Variants in XPO1 observed in about 807,000 individuals in gnomAD.
XPO1 encodes exportin 1, also known as exportin-1.
XPO1 carries 5 observed loss-of-function variants against 133.3 expected under a neutral mutation model. The ratio of observed to expected loss-of-function variants is 0.04; its 90% CI spans 0.02 to 0.08. XPO1 has a LOEUF of 0.08. Among genes scored for constraint, XPO1 ranks in the 10% least tolerant of loss-of-function variants. XPO1 has a pLI of 1.00. For synonymous variants in XPO1, 419 were observed against 408.2 expected, an observed-to-expected ratio of 1.03 and a Z score of -0.32; for missense variants, 506 against 1,267.5, an observed-to-expected ratio of 0.40 and a Z score of 9.12.
At position 61,478,546 on chromosome 2, in the gene XPO1, C is replaced by G. The variant is rs1047868392; in HGVS notation, c.*274G>C. 2 of 374,128 alleles carry G rather than the reference C, an allele frequency of 5.3e-6. No individual in the cohort carries two copies. The highest frequency in any genetic ancestry group is 6.4e-5 in the South Asian group (1 of 15,614). 23.2% of individuals were successfully genotyped at this position (374,128 alleles called of 1,614,324 possible). A position where few individuals can be genotyped will look rare whatever the true frequency, so the allele number is the denominator to read the frequency against. ...TTCAAATCGAATTTGCCTCCTCCCC[C>G]CAGCCCAGCCACAAAAATGGGCATG... On this transcript the variant is annotated 3_prime_UTR_variant, in exon 25 of 25. Transcript: ENST00000401558.
intron 4 of XPO1, among the ~76,000 whole-genome samples, chr2:61,514,419 C>T (rs1698253996): frequency 6.6e-6 from 1 of 151,072 alleles, no homozygotes; most frequent in African/African-American, 2.4e-5. Flanking sequence ...GGTGAAAGCT[C>T]GTCTCTACTA....
In XPO1 at chr2:61,488,200, A is replaced by T; in HGVS notation, c.2278T>A (p.Ser760Thr). 1 of 1,614,022 alleles carries T rather than the reference A, an allele frequency of 6.2e-7. No homozygotes were observed. Among genetic ancestry groups the T allele is most frequent in the Non-Finnish European group, 8.5e-7 (1 of 1,179,972 alleles). The change falls in exon 19 of 25, where the codon TCT becomes ACT. Residue 760 changes from serine to threonine, a missense_variant. Around this residue, in one of 6 missense-constraint regions of XPO1, gnomAD observed 60 missense variants for 211.0 expected, o/e 0.28. Coordinates refer to ENST00000401558, the MANE Select transcript of XPO1 (RefSeq NM_003400.4). ...TCATTGGATCGGCTCACCCAACCAG[A>T]TATTAACTTTAAAGTTTCCCTTTTT... The part of the protein sequence containing the change: ...TVKRETLKLI[S>T]GWVSRSNDPQ...
At chr2:61,511,682 A>C (rs1442876002) in intron 4 of XPO1, among the ~76,000 whole-genome samples, 3 of 152,194 alleles carry the variant, frequency 2.0e-5, no homozygotes, top group Non-Finnish European at 4.4e-5. Context: ...TGCAGGCCTC[A>C]ATCACTGTGC....
chr2:61,535,356 C>G (rs1463950646), intron 1 of XPO1, among the ~76,000 whole-genome samples: 1 of 152,170 alleles, frequency 6.6e-6, no homozygotes, highest in African/African-American at 2.4e-5. Flanking sequence ...TCCTGAAAGC[C>G]ATCCATGGCA....
At chr2:61,481,853 A>G (rs1696376286) in intron 23 of XPO1, among the ~76,000 whole-genome samples, 1 of 151,586 alleles carries the variant, frequency 6.6e-6, no homozygotes, top group Admixed American at 6.6e-5. Flanking sequence ...TCTCCCCCTC[A>G]GCCTCCCAAG....
chr2:61,523,921 G>C (rs1573213100), intron 3 of XPO1, among the ~76,000 whole-genome samples: 2 of 152,002 alleles, frequency 1.3e-5, no homozygotes, highest in South Asian at 4.1e-4. Context: ...ATAAAAACAA[G>C]GCCAAAGCAA....
intron 2 of XPO1, among the ~76,000 whole-genome samples, chr2:61,530,662 C>A (rs189363966): frequency 1.3e-5 from 2 of 151,690 alleles, no homozygotes; most frequent in South Asian, 4.1e-4. Context: ...TGCAGAAGTT[C>A]TGTCTACAGA....
chr2:61,534,415 G>T (rs975296102), intron 1 of XPO1: 1 of 152,248 alleles, frequency 6.6e-6, no homozygotes, highest in African/African-American at 2.4e-5. Flanking sequence ...GAGCGTGGTG[G>T]CTCACACCTG....
intron 2 of XPO1, 93 bp from the exon 3 acceptor site, chr2:61,526,614 A>G: frequency 1.1e-6 from 1 of 877,032 alleles, no homozygotes; most frequent in Middle Eastern, 3.4e-4. Context: ...CACAAATTCT[A>G]ATTGGACAGA....
intron 5 of XPO1, 64 bp downstream of exon 5, chr2:61,502,185 G>A (rs1573155358): frequency 1.9e-6 from 3 of 1,570,618 alleles, no homozygotes; most frequent in Non-Finnish European, 2.6e-6. Context: ...GAATTAGGTT[G>A]TAGTCAGACT....
intron 3 of XPO1, chr2:61,525,421 A>G: frequency 1.0e-6 from 1 of 998,748 alleles, no homozygotes; most frequent in Non-Finnish European, 1.2e-6. Context: ...ATTGCATAAA[A>G]GCCAAATGTC....
In XPO1 at chr2:61,478,342, C is replaced by CCAAG. The variant is rs1261925654; in HGVS notation, c.*474_*477dup. ...ATGTAGTCTAGACAAACGATTCAGT[C>CCAAG]CAAGAGGTGCTAACTTCAGACAATG... On this transcript the variant is annotated 3_prime_UTR_variant, in exon 25 of 25. Coordinates refer to ENST00000401558, the MANE Select transcript of XPO1 (RefSeq NM_003400.4). The CCAAG allele has an allele frequency of 4.2e-5, 10 of 237,088 alleles. No homozygotes were observed. The highest frequency in any genetic ancestry group is 2.2e-4 in the African/African-American group (10 of 45,332). The allele number at this position is 237,088 out of a possible 1,614,324, so 14.7% of individuals were successfully genotyped here.
chr2:61,504,764 G>A (rs959972472), intron 4 of XPO1, among the ~76,000 whole-genome samples: 2 of 152,130 alleles, frequency 1.3e-5, no homozygotes, highest in Non-Finnish European at 2.9e-5. Context: ...TCAAACTATG[G>A]TTCTTCAATG....
intron 4 of XPO1, among the ~76,000 whole-genome samples, chr2:61,519,024 C>G (rs1698552632): frequency 6.6e-6 from 1 of 152,080 alleles, no homozygotes; most frequent in Non-Finnish European, 1.5e-5. Context: ...GATCTCAGCT[C>G]ACTGCAACCT....
chr2:61,537,496 G>C (rs1400530137), intron 1 of XPO1, 66 bp downstream of exon 1: 1 of 147,208 alleles, frequency 6.8e-6, no homozygotes, highest in Non-Finnish European at 1.5e-5. Context: ...CCCCACGCCG[G>C]CCTCCTCCCG....
rs1366614915 is a variant in XPO1, at chr2:61,522,593, AATTCTTT to A, written c.301+11_301+17del. ...AGGAAAAACAAAACTCTGAATTTAT[AATTCTTT>A]ATTTTCCTACCTTCGCACTGGTTCC... On this transcript the variant is annotated intron_variant, in intron 4 of 24. Coordinates refer to ENST00000401558, the MANE Select transcript of XPO1 (RefSeq NM_003400.4). 1 of 1,604,864 alleles carries A rather than the reference AATTCTTT, an allele frequency of 6.2e-7. No homozygotes were observed. The highest frequency in any genetic ancestry group is 1.7e-5 in the Admixed American group (1 of 59,428).
At chr2:61,530,831 C>A (rs1281305922) in intron 2 of XPO1, among the ~76,000 whole-genome samples, 2 of 149,384 alleles carry the variant, frequency 1.3e-5, no homozygotes, top group African/African-American at 4.9e-5. Flanking sequence ...TTATGAGTAG[C>A]AAAAAAAAAA....
intron 23 of XPO1, 29 bp downstream of exon 23, chr2:61,482,351 A>G (rs1322239639): frequency 2.5e-6 from 4 of 1,569,884 alleles, no homozygotes; most frequent in East Asian, 2.3e-5. Context: ...GACCAGGAAC[A>G]TTCTACGTTT....
intron 2 of XPO1, among the ~76,000 whole-genome samples, chr2:61,532,253 G>C (rs982931512): frequency 1.3e-5 from 2 of 151,808 alleles, no homozygotes; most frequent in South Asian, 2.1e-4. Context: ...TCAGCCTCCC[G>C]AGTAGCTGGG....
Sources: gnomAD v4.1 joint callset for allele counts (sites outside exome capture counted in the v4.1 genomes callset) on GRCh38, gnomAD v4.1.1 for gene constraint, gnomAD v4.1.1 regional missense constraint, MANE v1.5 for transcripts, NCBI Gene and HGNC (gene_info 2026-07-23, HGNC 2026-07-21) for gene names.